Variants in ZFP14 observed in about 807,000 individuals in gnomAD.
ZFP14 encodes zinc finger protein 14 homolog.
Under a neutral mutation model 54.5 loss-of-function variants are expected in ZFP14, and 22 were observed. That is an observed-to-expected ratio of 0.40 (90% confidence interval 0.29 to 0.58). The LOEUF (loss-of-function observed/expected upper bound fraction) is 0.58, where lower values mean the gene tolerates loss of function less well. Ranked by LOEUF, ZFP14 falls within the 20% of genes least tolerant of loss-of-function variation. The pLI is 0.39. For synonymous variants in ZFP14, 159 were observed against 204.0 expected, an observed-to-expected ratio of 0.78 and a Z score of 1.88; for missense variants, 470 against 637.8, an observed-to-expected ratio of 0.74 and a Z score of 2.83.
chr19:36,360,427 T>G lies in ZFP14; in HGVS notation c.235+8A>C. ...TGATTTCTCAATGCCTGCTCAGCCC[T>G]CACTCACCAGGGCAGTATCTTCTTG... On this transcript the variant is annotated splice_region_variant and intron_variant, in intron 4 of 4. Coordinates refer to ENST00000270001, the MANE Select transcript of ZFP14 (RefSeq NM_020917.3). 1 of 1,611,472 alleles carries G rather than the reference T, an allele frequency of 6.2e-7. No individual in the cohort carries two copies. Among genetic ancestry groups the G allele is most frequent in the African/African-American group, 1.3e-5 (1 of 75,008 alleles).
intron 4 of ZFP14, among the ~76,000 whole-genome samples, chr19:36,359,915 A>T (rs2031682025): frequency 6.6e-6 from 1 of 152,158 alleles, no homozygotes. Context: ...TCGGCCTCCC[A>T]AAACGCTGGG....
At position 36,366,592 on chromosome 19, in the gene ZFP14, C is replaced by T. The variant is rs1043954562; in HGVS notation, c.9+1292G>A. Reference sequence around the variant, plus strand: ...TCAGCCTCCCCAAGTACTGGGATTACAGGCATGAGCCACCACACCTGCCCC... The same window carrying T: ...TCAGCCTCCCCAAGTACTGGGATTATAGGCATGAGCCACCACACCTGCCCC... On this transcript the variant is annotated intron_variant, in intron 2 of 4. Coordinates refer to ENST00000270001, the MANE Select transcript of ZFP14 (RefSeq NM_020917.3). 3.3e-5 allele frequency among the ~76,000 whole-genome samples: 5 copies of T among 152,132 alleles called. No homozygotes were observed. In the East Asian group the frequency reaches 9.7e-4, roughly 30 times the overall value.
intron 4 of ZFP14, among the ~76,000 whole-genome samples, chr19:36,352,197 T>C (rs2031539321): frequency 7.2e-6 from 1 of 139,446 alleles, no homozygotes; most frequent in Non-Finnish European, 1.6e-5. Context: ...AAAAAAAAAA[T>C]TCTATTAAGA....
In ZFP14 at chr19:36,339,712, T is replaced by C. The variant is rs1169406629; in HGVS notation, c.*512A>G. ...AGTCTGGATGTGGATCCTTCCCCAG[T>C]TGAGCCTTCAGATGAGACCTCAGCC... is the stretch of plus-strand genomic sequence containing the variant. On this transcript the variant is annotated 3_prime_UTR_variant, in exon 5 of 5. Coordinates refer to ENST00000270001, the MANE Select transcript of ZFP14 (RefSeq NM_020917.3). The C allele has an allele frequency of 2.6e-5, 4 of 152,836 alleles. No homozygotes were observed. The highest frequency in any genetic ancestry group is 7.2e-5 in the African/African-American group (3 of 41,456). 9.5% of individuals were successfully genotyped at this position (152,836 alleles called of 1,614,324 possible).
intron 1 of ZFP14, among the ~76,000 whole-genome samples, chr19:36,368,484 A>G (rs992522934): frequency 6.6e-5 from 10 of 152,144 alleles, no homozygotes; most frequent in Non-Finnish European, 1.5e-4. Context: ...AGCTCTGAAG[A>G]AATAGGTGAC....
In ZFP14 at chr19:36,336,386, T is replaced by G. The variant is rs2031197695; in HGVS notation, c.*3838A>C. On this transcript the variant is annotated 3_prime_UTR_variant, in exon 5 of 5. Coordinates refer to ENST00000270001, the MANE Select transcript of ZFP14 (RefSeq NM_020917.3). ...TCCCAAGTAGCTGGGATTACAGGCA[T>G]GCACCACCATGCCTGGCTAATTTTG... 1.3e-5 allele frequency: 2 copies of G among 151,882 alleles called. No individual in the cohort carries two copies. The highest frequency in any genetic ancestry group is 2.9e-5 in the Non-Finnish European group (2 of 67,990). The allele number at this position is 151,882 out of a possible 1,614,324, so 9.4% of individuals were successfully genotyped here. A position where few individuals can be genotyped will look rare whatever the true frequency, so the allele number is the denominator to read the frequency against.
chr19:36,375,139 T>A (rs994353497), intron 1 of ZFP14, among the ~76,000 whole-genome samples: 1 of 152,194 alleles, frequency 6.6e-6, no homozygotes, highest in Non-Finnish European at 1.5e-5. Context: ...TCTGAACCAG[T>A]TCTTTTGGCT....
intron 4 of ZFP14, among the ~76,000 whole-genome samples, chr19:36,353,290 A>T (rs1323112892): frequency 1.4e-5 from 2 of 142,910 alleles, no homozygotes; most frequent in Non-Finnish European, 3.1e-5. Flanking sequence ...TACCATTCTC[A>T]GCAAAACCAC....
At chr19:36,362,803 T>C (rs527931007) in intron 2 of ZFP14, 14 of 298,990 alleles carry the variant, frequency 4.7e-5, no homozygotes, top group South Asian at 4.3e-4. Context: ...TTAAAAACAT[T>C]GATAAAAATT....
intron 1 of ZFP14, among the ~76,000 whole-genome samples, chr19:36,375,384 ATTT>A (rs747537579): frequency 3.0e-4 from 38 of 128,692 alleles, no homozygotes; most frequent in Admixed American, 5.7e-4. Flanking sequence ...GCAGGAAGGA[ATTT>A]TTTTTTTTTT....
intron 4 of ZFP14, among the ~76,000 whole-genome samples, chr19:36,358,268 A>G (rs1012977759): frequency 1.3e-5 from 2 of 149,328 alleles, no homozygotes; most frequent in Admixed American, 6.7e-5. Context: ...GCGCCACTAC[A>G]TCCAGCTAAT....
intron 4 of ZFP14, among the ~76,000 whole-genome samples, chr19:36,359,397 T>C (rs2031672781): frequency 6.6e-6 from 1 of 152,186 alleles, no homozygotes; most frequent in Non-Finnish European, 1.5e-5. Context: ...CTGAAGGAGT[T>C]TGTATAATAC....
intron 4 of ZFP14, among the ~76,000 whole-genome samples, chr19:36,356,497 G>A (rs1308150773): frequency 2.0e-5 from 3 of 151,664 alleles, no homozygotes; most frequent in African/African-American, 7.3e-5. Flanking sequence ...CCAGTTCTAT[G>A]TGCACTCATG....
At chr19:36,360,558 G>A in intron 3 of ZFP14, 25 bp from the exon 4 acceptor site, 3 of 1,584,178 alleles carry the variant, frequency 1.9e-6, no homozygotes, top group Non-Finnish European at 2.6e-6. Flanking sequence ...AATGTGACAT[G>A]GAATTATACA....
rs748429233 is a variant in ZFP14 at position 36,351,906 on chromosome 19, G to A, written c.235+8529C>T. Among the ~76,000 whole-genome samples the A allele has an allele frequency of 6.3e-5, 9 of 143,154 alleles. 1 individual carries two copies. The highest frequency in any genetic ancestry group is 2.2e-4 in the Admixed American group (3 of 13,932). The allele number at this position is 143,154 out of a possible 152,430, so 93.9% of individuals were successfully genotyped here. Reference sequence around the variant, plus strand: ...TTAAAGATTCTATTAAGATCCGGCCGGGTGTGGTGGCTCACGCCTGTAATC... The same window carrying A: ...TTAAAGATTCTATTAAGATCCGGCCAGGTGTGGTGGCTCACGCCTGTAATC... On this transcript the variant is annotated intron_variant, in intron 4 of 4. Transcript: ENST00000270001.
chr19:36,372,368 C>T (rs1186536672), intron 1 of ZFP14, among the ~76,000 whole-genome samples: 5 of 150,430 alleles, frequency 3.3e-5, no homozygotes, highest in African/African-American at 7.3e-5. Flanking sequence ...GCTATACTAA[C>T]CAAGAGAAAA....
rs767258236 is a variant in ZFP14 at position 36,341,192 on chromosome 19, G to A, written c.634C>T (p.Arg212Cys). 1.3e-5 allele frequency: 21 copies of A among 1,613,870 alleles called. No homozygotes were observed. The highest frequency in any genetic ancestry group is 3.3e-4 in the Middle Eastern group (2 of 6,082). The change falls in exon 5 of 5, where the codon CGT becomes TGT. Residue 212 changes from arginine (R) to cysteine (C), a missense_variant. Physicochemically the swap from Arg to Cys is radical, Grantham distance 180. Coordinates refer to ENST00000270001, the MANE Select transcript of ZFP14 (RefSeq NM_020917.3). The surrounding 1 kb of genome is among the most constrained non-coding windows in gnomAD (Gnocchi z 4.2). ...CKECGQAFRQ[R>C]AHLIRHHKLH... is the part of the protein sequence containing the mutation. ...TTGTGATGTCGAATAAGATGTGCAC[G>A]CTGTCTAAAGGCCTGCCCACATTCC...
chr19:36,334,830 T>C lies in ZFP14; in HGVS notation c.*5394A>G, dbSNP rs2031161816. 1 of 152,242 alleles carries C rather than the reference T, an allele frequency of 6.6e-6. No individual in the cohort carries two copies. The highest frequency in any genetic ancestry group is 1.5e-5 in the Non-Finnish European group (1 of 68,050). The allele number at this position is 152,242 out of a possible 1,614,324, so 9.4% of individuals were successfully genotyped here. A position where few individuals can be genotyped will look rare whatever the true frequency, so the allele number is the denominator to read the frequency against. Reference sequence around the variant, plus strand: ...AAATAAAAATGTCTTTACTAAATCTTTGGCAAACTGATCATGTATACTTTG... The same window carrying C: ...AAATAAAAATGTCTTTACTAAATCTCTGGCAAACTGATCATGTATACTTTG... On this transcript the variant is annotated 3_prime_UTR_variant, in exon 5 of 5. Coordinates refer to ENST00000270001, the MANE Select transcript of ZFP14 (RefSeq NM_020917.3).
At chr19:36,348,785 A>C (rs538075780) in intron 4 of ZFP14, among the ~76,000 whole-genome samples, 2 of 152,224 alleles carry the variant, frequency 1.3e-5, no homozygotes, top group East Asian at 3.9e-4. Flanking sequence ...GAAGTGCTAT[A>C]CCTGCTTTGG....
Sources: allele counts gnomAD v4.1 joint callset (sites outside exome capture counted in the v4.1 genomes callset), GRCh38; gene constraint gnomAD v4.1.1; non-coding constraint Gnocchi (gnomAD v3.1); transcripts MANE v1.5; gene names NCBI Gene and HGNC (gene_info 2026-07-23, HGNC 2026-07-21).